The following SREK1IP1 variants were observed in gnomAD, a reference collection of about 807,000 sequenced individuals.
SREK1IP1 encodes SREK1 interacting protein 1.
A neutral mutation model predicts 22.8 loss-of-function variants in SREK1IP1; 12 were observed. The ratio of observed to expected loss-of-function variants is 0.53; its 90% CI spans 0.34 to 0.85. The LOEUF is 0.85. Ranked by LOEUF, SREK1IP1 falls within the 40% of genes least tolerant of loss-of-function variation. The pLI, the probability that SREK1IP1 is intolerant of heterozygous loss-of-function variation, is 0.02. For synonymous variants in SREK1IP1, 53 were observed against 52.7 expected (o/e 1.01, Z -0.02); for missense variants, 147 against 171.8 (o/e 0.86, Z 0.81).
intron 4 of SREK1IP1, among the ~76,000 whole-genome samples, chr5:64,726,489 T>C (rs996488452): frequency 2.7e-5 from 4 of 147,250 alleles, no homozygotes; most frequent in Non-Finnish European, 4.5e-5. Context: ...GGCAGGAGAA[T>C]GGAGTGAACC....
chr5:64,763,772 C>T (rs1343937285), intron 1 of SREK1IP1, among the ~76,000 whole-genome samples: 2 of 152,176 alleles, frequency 1.3e-5, no homozygotes, highest in Non-Finnish European at 2.9e-5. Flanking sequence ...GAATCAAGCC[C>T]CTACAGGGAT....
intron 1 of SREK1IP1, among the ~76,000 whole-genome samples, chr5:64,759,371 C>T (rs779397813): frequency 1.3e-5 from 2 of 152,164 alleles, no homozygotes; most frequent in Non-Finnish European, 2.9e-5. Flanking sequence ...ACCTACTTCC[C>T]TGCCTTGGGC....
intron 1 of SREK1IP1, among the ~76,000 whole-genome samples, chr5:64,764,572 T>C (rs912416117): frequency 6.6e-6 from 1 of 152,170 alleles, no homozygotes; most frequent in Non-Finnish European, 1.5e-5. Flanking sequence ...TGCACTGCAT[T>C]CTCGCAGAGA....
intron 4 of SREK1IP1, among the ~76,000 whole-genome samples, chr5:64,726,823 C>T (rs539853149): frequency 3.6e-4 from 55 of 152,126 alleles, no homozygotes; most frequent in African/African-American, 1.3e-3. Flanking sequence ...TGAATACTGT[C>T]CTGAAAGTGA....
chr5:64,749,631 A>T (rs1277852912), intron 2 of SREK1IP1, among the ~76,000 whole-genome samples: 1 of 151,914 alleles, frequency 6.6e-6, no homozygotes, highest in Non-Finnish European at 1.5e-5. Context: ...TGTAGAGATG[A>T]GGTTTCGCCA....
chr5:64,764,127 T>C (rs560315868), intron 1 of SREK1IP1, among the ~76,000 whole-genome samples: 60 of 130,878 alleles, frequency 4.6e-4, no homozygotes, highest in Admixed American at 5.3e-4. Context: ...TAATAATAGC[T>C]GATGAGCTTT....
At position 64,720,282 on chromosome 5, in the gene SREK1IP1, A is replaced by C. The variant is rs1742136073; in HGVS notation, c.*4102T>G. On this transcript the variant is annotated 3_prime_UTR_variant, in exon 5 of 5. Transcript: ENST00000513458. ...TCTGGGGATGGATCTAATAAAGAATACAGTAGCTTTATGTGTTTTTAGATG... is the reference window on the plus strand; with the variant it reads ...TCTGGGGATGGATCTAATAAAGAATCCAGTAGCTTTATGTGTTTTTAGATG... 1 of 152,180 alleles carries C rather than the reference A, an allele frequency of 6.6e-6. No individual in the cohort carries two copies. The highest frequency in any genetic ancestry group is 2.4e-5 in the African/African-American group (1 of 41,436). The allele number at this position is 152,180 out of a possible 1,614,324, so 9.4% of individuals were successfully genotyped here. A position where few individuals can be genotyped will look rare whatever the true frequency, so the allele number is the denominator to read the frequency against.
intron 4 of SREK1IP1, among the ~76,000 whole-genome samples, chr5:64,725,359 T>C (rs1185240398): frequency 6.6e-6 from 1 of 152,152 alleles, no homozygotes; most frequent in East Asian, 1.9e-4. Context: ...CTACCTATAC[T>C]CAAACTCAAA....
rs560213004 is a variant in SREK1IP1 at position 64,755,355 on chromosome 5, C to T, written c.14-993G>A. 7.2e-5 allele frequency among the ~76,000 whole-genome samples: 11 copies of T among 152,224 alleles called. No individual in the cohort carries two copies. The South Asian group carries it at 2.3e-3, about 32-fold the overall frequency. Reference sequence around the variant, plus strand: ...GATTAAAGAAAATGCACTACATATACACTATGGAATACTATGAAGCCATAA... The same window carrying T: ...GATTAAAGAAAATGCACTACATATATACTATGGAATACTATGAAGCCATAA... On this transcript the variant is annotated intron_variant, in intron 1 of 4. Coordinates refer to ENST00000513458, the MANE Select transcript of SREK1IP1 (RefSeq NM_173829.4).
intron 3 of SREK1IP1, among the ~76,000 whole-genome samples, chr5:64,734,929 A>C (rs544401319): frequency 7.9e-5 from 12 of 152,122 alleles, no homozygotes; most frequent in Non-Finnish European, 1.8e-4. Context: ...CACTCGCTAG[A>C]ATCTCCAGCA....
chr5:64,744,513 G>C (rs1463204988), intron 2 of SREK1IP1, among the ~76,000 whole-genome samples: 3 of 151,988 alleles, frequency 2.0e-5, no homozygotes, highest in African/African-American at 7.2e-5. Flanking sequence ...CCGGTAACTA[G>C]GATACCCACC....
chr5:64,734,364 G>T (rs1275558701), intron 3 of SREK1IP1, among the ~76,000 whole-genome samples: 6 of 151,924 alleles, frequency 3.9e-5, no homozygotes, highest in African/African-American at 1.4e-4. Context: ...GGCTTTTCTA[G>T]GTTCTTTACA....
chr5:64,741,243 G>C (rs1742546626), intron 2 of SREK1IP1, 43 bp from the exon 3 acceptor site: 4 of 1,562,862 alleles, frequency 2.6e-6, no homozygotes, highest in South Asian at 1.2e-5. Context: ...TAAAACTATA[G>C]ATACATTATG....
chr5:64,745,640 G>A (rs1020216338), intron 2 of SREK1IP1, among the ~76,000 whole-genome samples: 2 of 150,866 alleles, frequency 1.3e-5, no homozygotes, highest in Non-Finnish European at 2.9e-5. Context: ...AGCTAGCTTT[G>A]TACCCAAATA....
At chr5:64,741,914 A>G (rs1451465033) in intron 2 of SREK1IP1, among the ~76,000 whole-genome samples, 1 of 149,968 alleles carries the variant, frequency 6.7e-6, no homozygotes, top group African/African-American at 2.5e-5. Context: ...GCTCACTCGC[A>G]TGCCTGTGCG....
At position 64,768,636 on chromosome 5, in the gene SREK1IP1, C is replaced by T. The variant is rs1580566100; in HGVS notation, c.-119G>A. ...TTTCCTTCCCCCAGCGCAGCAGCAC[C>T]CTCGCTACGGTCGGGAAGGGCCTGT... On this transcript the variant is annotated 5_prime_UTR_variant, in exon 1 of 5. Transcript: ENST00000513458. 1 of 1,458,890 alleles carries T rather than the reference C, an allele frequency of 6.9e-7. No individual in the cohort carries two copies. The highest frequency in any genetic ancestry group is 2.3e-5 in the East Asian group (1 of 43,632). 90.4% of individuals were successfully genotyped at this position (1,458,890 alleles called of 1,614,324 possible).
chr5:64,739,204 T>C (rs1286671103), intron 3 of SREK1IP1, among the ~76,000 whole-genome samples: 1 of 152,130 alleles, frequency 6.6e-6, no homozygotes, highest in Non-Finnish European at 1.5e-5. Flanking sequence ...CTCATTTGAG[T>C]GAAGTATTTC....
intron 3 of SREK1IP1, among the ~76,000 whole-genome samples, chr5:64,737,120 TC>T (rs771434473): frequency 7.4e-4 from 113 of 152,198 alleles, no homozygotes; most frequent in Non-Finnish European, 1.4e-3. Flanking sequence ...GAATATGCTG[TC>T]CAACACCAGC....
intron 2 of SREK1IP1, among the ~76,000 whole-genome samples, chr5:64,752,962 A>T (rs1742775077): frequency 6.6e-6 from 1 of 152,222 alleles, no homozygotes; most frequent in African/African-American, 2.4e-5. Flanking sequence ...AAAATCAAAG[A>T]TCTAAATAAT....
Sources: gnomAD v4.1 joint callset for allele counts (sites outside exome capture counted in the v4.1 genomes callset) on GRCh38, gnomAD v4.1.1 for gene constraint, MANE v1.5 for transcripts, NCBI Gene and HGNC (gene_info 2026-07-23, HGNC 2026-07-21) for gene names.